WWOX: variants seen among roughly 807,000 people sequenced by gnomAD.
WWOX encodes WW domain-containing oxidoreductase.
A neutral mutation model predicts 46.2 loss-of-function variants in WWOX; 69 were observed. The ratio of observed to expected loss-of-function variants is 1.49; its 90% CI spans 1.23 to 1.82. The LOEUF (loss-of-function observed/expected upper bound fraction) is 1.82, where lower values mean the gene tolerates loss of function less well. WWOX is among the 40% of genes most tolerant of loss of function. The pLI is 0.00. For synonymous variants in WWOX, 359 were observed against 202.6 expected (o/e 1.77, Z -6.56); for missense variants, 919 against 542.6 (o/e 1.69, Z -6.89).
chr16:78,995,107 AAC>A (rs958257265), intron 8 of WWOX, among the ~76,000 whole-genome samples: 13 of 151,764 alleles, frequency 8.6e-5, no homozygotes, highest in African/African-American at 3.1e-4. Context: ...CTTAGATAAT[AAC>A]AGTTTGTCTT....
intron 8 of WWOX, among the ~76,000 whole-genome samples, chr16:79,180,125 ACT>A (rs2050881505): frequency 6.6e-6 from 1 of 152,028 alleles, no homozygotes; most frequent in Non-Finnish European, 1.5e-5. Flanking sequence ...GTTAGAAGAG[ACT>A]CTGGGGAATC....
chr16:78,897,220 G>A (rs2044721302), intron 8 of WWOX: 2 of 129,074 alleles, frequency 1.5e-5, no homozygotes, highest in South Asian at 5.4e-4. Flanking sequence ...CTCTAGCCTG[G>A]GTGACAGTGA....
rs114940313 is a variant in WWOX at position 78,713,763 on chromosome 16, C to T, written c.1056+281011C>T. 6.6e-5 allele frequency among the ~76,000 whole-genome samples: 10 copies of T among 152,242 alleles called. No individual in the cohort carries two copies. In the South Asian group the frequency reaches 1.0e-3, roughly 16 times the overall value. On this transcript the variant is annotated intron_variant, in intron 8 of 8. Transcript: ENST00000566780. The stretch of plus-strand genomic sequence containing the variant: ...GCAGCCTTCAGAACTGTGAGAAAAT[C>T]AATTTCTGTTGTTTAAGCCACCTAG...
chr16:78,823,898 C>A (rs983668747), intron 8 of WWOX, among the ~76,000 whole-genome samples: 6 of 152,066 alleles, frequency 3.9e-5, no homozygotes, highest in Non-Finnish European at 8.8e-5. Flanking sequence ...ACCTCAGCCT[C>A]CCAAGTAGCT....
In WWOX at chr16:78,807,545, T is replaced by G. The variant is rs192578606; in HGVS notation, c.1056+374793T>G. Among the ~76,000 whole-genome samples, 159 of 152,354 alleles carry G rather than the reference T, an allele frequency of 1.0e-3. 1 individual carries two copies. The highest frequency in any genetic ancestry group is 1.8e-4 in the Non-Finnish European group (12 of 68,032). On this transcript the variant is annotated intron_variant, in intron 8 of 8. Coordinates refer to ENST00000566780, the MANE Select transcript of WWOX (RefSeq NM_016373.4). Reference sequence around the variant, plus strand: ...CTACATGGATTCTAATTAACGACAGTGGCTAAAACCTGATTCAAATGTGGC... The same window carrying G: ...CTACATGGATTCTAATTAACGACAGGGGCTAAAACCTGATTCAAATGTGGC...
chr16:78,969,452 G>A (rs1274801830), intron 8 of WWOX, among the ~76,000 whole-genome samples: 1 of 151,882 alleles, frequency 6.6e-6, no homozygotes, highest in African/African-American at 2.4e-5. Flanking sequence ...TGTATTTCTA[G>A]TACAGACAGG....
intron 8 of WWOX, among the ~76,000 whole-genome samples, chr16:78,529,587 C>T (rs1468352395): frequency 6.6e-6 from 1 of 152,146 alleles, no homozygotes; most frequent in Non-Finnish European, 1.5e-5. Context: ...CTGCCTCAGC[C>T]TCCTGAGTAG....
In WWOX at chr16:79,028,219, G is replaced by A. The variant is rs137989396; in HGVS notation, c.1057-183389G>A. 6.9e-3 allele frequency among the ~76,000 whole-genome samples: 1,051 copies of A among 151,884 alleles called. 46 individuals carry two copies. Among genetic ancestry groups the A allele is most frequent in the African/African-American group, 0.024 (982 of 41,194 alleles). On this transcript the variant is annotated intron_variant, in intron 8 of 8. Coordinates refer to ENST00000566780, the MANE Select transcript of WWOX (RefSeq NM_016373.4). ...CTGCCTTGGCCTCCCAAAGTGCTGG[G>A]ATTACAGGCGTGAGCCACCACGCCC...
chr16:78,599,920 T>C (rs1480123104), intron 8 of WWOX, among the ~76,000 whole-genome samples: 1 of 152,104 alleles, frequency 6.6e-6, no homozygotes, highest in Non-Finnish European at 1.5e-5. Context: ...CGTGGGGGTG[T>C]ATTAGTCTGT....
At chr16:78,638,767 G>A (rs1157302126) in intron 8 of WWOX, among the ~76,000 whole-genome samples, 1 of 152,166 alleles carries the variant, frequency 6.6e-6, no homozygotes, top group Non-Finnish European at 1.5e-5. Flanking sequence ...GGGTTGGGAG[G>A]AGATGTGGCA....
chr16:78,958,568 C>A (rs141983118), intron 8 of WWOX, among the ~76,000 whole-genome samples: 12 of 152,316 alleles, frequency 7.9e-5, no homozygotes, highest in South Asian at 2.1e-4. Context: ...CCAAAGTAAG[C>A]TGAACAGTGT....
chr16:78,791,018 CAAAAA>C lies in WWOX; in HGVS notation c.1056+358285_1056+358289del, dbSNP rs775592585. ...TGGGTGACAGATCCAGACCCTGTCT[CAAAAA>C]AAAAAAAAAAAAAAAAAAGTGAAAA... is the stretch of plus-strand genomic sequence containing the variant. On this transcript the variant is annotated intron_variant, in intron 8 of 8. Transcript: ENST00000566780. Among the ~76,000 whole-genome samples the C allele has an allele frequency of 8.3e-4, 52 of 62,440 alleles. 1 individual carries two copies. The highest frequency in any genetic ancestry group is 2.8e-3 in the African/African-American group (42 of 15,022). The allele number at this position is 62,440 out of a possible 152,430, so 41.0% of individuals were successfully genotyped here. A position where few individuals can be genotyped will look rare whatever the true frequency, so the allele number is the denominator to read the frequency against.
chr16:78,528,257 G>T (rs1025165185), intron 8 of WWOX, among the ~76,000 whole-genome samples: 1 of 138,754 alleles, frequency 7.2e-6, no homozygotes, highest in Non-Finnish European at 1.5e-5. Context: ...CTCGTAATCC[G>T]CCCACCTCGG....
At chr16:79,129,118 T>C (rs990049224) in intron 8 of WWOX, among the ~76,000 whole-genome samples, 8 of 152,000 alleles carry the variant, frequency 5.3e-5, no homozygotes, top group African/African-American at 1.5e-4. Context: ...CAAACAACGG[T>C]AGTTATAAAA....
intron 6 of WWOX, among the ~76,000 whole-genome samples, chr16:78,419,031 C>A (rs2082864169): frequency 6.6e-6 from 1 of 152,108 alleles, no homozygotes; most frequent in Non-Finnish European, 1.5e-5. Context: ...CAAATGAAAT[C>A]ACCTTATCTG....
At chr16:78,892,706 G>C (rs548289490) in intron 8 of WWOX, among the ~76,000 whole-genome samples, 23 of 152,232 alleles carry the variant, frequency 1.5e-4, no homozygotes, top group Middle Eastern at 3.2e-3. Flanking sequence ...TTTTGGGCAG[G>C]TGATTGTGAT....
chr16:78,530,018 G>A (rs2075283994), intron 8 of WWOX, among the ~76,000 whole-genome samples: 1 of 152,100 alleles, frequency 6.6e-6, no homozygotes, highest in Non-Finnish European at 1.5e-5. Context: ...GGCTGCTTTG[G>A]TGCCAGTAGA....
intron 8 of WWOX, among the ~76,000 whole-genome samples, chr16:78,928,959 C>G (rs1194328468): frequency 6.6e-6 from 1 of 152,188 alleles, no homozygotes; most frequent in African/African-American, 2.4e-5. Context: ...GCTTGTTAAA[C>G]TTTACATGTA....
intron 8 of WWOX, among the ~76,000 whole-genome samples, chr16:78,947,380 C>T (rs79781201): frequency 0.17 from 24,646 of 145,036 alleles, 2,473 homozygotes; most frequent in Non-Finnish European, 0.24. Context: ...CTCTTCCCCC[C>T]CTTAGCTGTA....
Sources: gnomAD v4.1 joint callset for allele counts (sites outside exome capture counted in the v4.1 genomes callset) on GRCh38, gnomAD v4.1.1 for gene constraint, MANE v1.5 for transcripts, NCBI Gene and HGNC (gene_info 2026-07-23, HGNC 2026-07-21) for gene names.